Variants in ANKFN1 observed in about 807,000 individuals in gnomAD.
ANKFN1 encodes ankyrin repeat and fibronectin type III domain containing 1, also known as ankyrin repeat and fibronectin type-III domain-containing protein 1.
Under a neutral mutation model 108.7 loss-of-function variants are expected in ANKFN1, and 74 were observed. That is an observed-to-expected ratio of 0.68 (90% CI 0.56 to 0.83). ANKFN1 has a LOEUF of 0.83. ANKFN1 is among the 40% of genes least tolerant of loss of function. The pLI, the probability that ANKFN1 is intolerant of heterozygous loss-of-function variation, is 0.00. For synonymous variants in ANKFN1, 547 were observed against 516.2 expected, an observed-to-expected ratio of 1.06 and a Z score of -0.81; for missense variants, 1,505 against 1,382.3, an observed-to-expected ratio of 1.09 and a Z score of -1.41.
intron 1 of ANKFN1, among the ~76,000 whole-genome samples, chr17:56,166,278 A>G (rs1456560905): frequency 6.6e-6 from 1 of 152,176 alleles, no homozygotes; most frequent in Non-Finnish European, 1.5e-5. Context: ...TGTGAAATGA[A>G]TGAAGTGATT....
intron 4 of ANKFN1, among the ~76,000 whole-genome samples, chr17:56,060,801 T>C (rs1357915872): frequency 3.3e-5 from 5 of 152,072 alleles, no homozygotes; most frequent in African/African-American, 1.2e-4. Context: ...GTGGTGTATA[T>C]TTCTTTGATG....
intron 1 of ANKFN1, among the ~76,000 whole-genome samples, chr17:56,156,991 A>T (rs1404427693): frequency 6.6e-6 from 1 of 152,212 alleles, no homozygotes; most frequent in African/African-American, 2.4e-5. Flanking sequence ...TTCTCCCTTA[A>T]TTGGCATGGC....
intron 14 of ANKFN1, 111 bp from the exon 15 acceptor site, chr17:56,466,245 A>G (rs2050069202): frequency 2.1e-6 from 2 of 965,772 alleles, no homozygotes; most frequent in Admixed American, 2.4e-5. Flanking sequence ...AAAAAAAGAG[A>G]GCAAACAGCT....
intron 2 of ANKFN1, among the ~76,000 whole-genome samples, chr17:56,224,347 A>G (rs1022726451): frequency 6.6e-6 from 1 of 152,214 alleles, no homozygotes; most frequent in Non-Finnish European, 1.5e-5. Context: ...AGTAAAATTA[A>G]CATAAAATAG....
intron 18 of ANKFN1, among the ~76,000 whole-genome samples, chr17:56,489,423 T>C (rs1217014566): frequency 6.7e-6 from 1 of 150,102 alleles, no homozygotes; most frequent in Non-Finnish European, 1.5e-5. Context: ...GTAACATTTG[T>C]TAAAGTAACA....
intron 4 of ANKFN1, among the ~76,000 whole-genome samples, chr17:56,343,966 T>G (rs1386797728): frequency 6.6e-6 from 1 of 151,998 alleles, no homozygotes. Context: ...CAAGACATCA[T>G]TCTCAGAATT....
chr17:56,138,685 A>G (rs1340089454), intron 4 of ANKFN1, among the ~76,000 whole-genome samples: 1 of 151,488 alleles, frequency 6.6e-6, no homozygotes, highest in East Asian at 1.9e-4. Flanking sequence ...AATTTTTTAC[A>G]TTTTTGTTAG....
intron 14 of ANKFN1, among the ~76,000 whole-genome samples, chr17:56,460,078 A>T (rs977323923): frequency 3.9e-5 from 6 of 152,018 alleles, no homozygotes; most frequent in African/African-American, 1.4e-4. Context: ...ATCACAAAAA[A>T]GGGCTGACTG....
Position 56,516,257 on chromosome 17 carries a change from AGTGTGTGTGTGT to A in ANKFN1, c.*5002_*5013del, listed in dbSNP as rs71139913. ...GTTTGATGTTTGTGATTTTTAAAAA[AGTGTGTGTGTGT>A]GTGTGTGTGTGTGCGTGTGTGGTGG... is the stretch of plus-strand genomic sequence containing the variant. On this transcript the variant is annotated 3_prime_UTR_variant, in exon 21 of 21. Coordinates refer to ENST00000682825, the MANE Select transcript of ANKFN1 (RefSeq NM_001370326.1). Among the ~76,000 whole-genome samples the A allele has an allele frequency of 6.7e-6, 1 of 148,362 alleles. No homozygotes were observed. Among genetic ancestry groups the A allele is most frequent in the Non-Finnish European group, 1.5e-5 (1 of 66,756 alleles).
intron 2 of ANKFN1, among the ~76,000 whole-genome samples, chr17:56,216,783 G>A (rs573514317): frequency 4.6e-5 from 7 of 152,232 alleles, no homozygotes; most frequent in Admixed American, 2.6e-4. Context: ...TAATGATGCC[G>A]CTCTTTAGGT....
chr17:56,456,050 G>A (rs1187429808), intron 11 of ANKFN1, among the ~76,000 whole-genome samples: 1 of 152,116 alleles, frequency 6.6e-6, no homozygotes, highest in East Asian at 1.9e-4. Flanking sequence ...TATGGGTGGG[G>A]TTTTGCTCTT....
At chr17:56,317,873 A>G (rs2045253278) in intron 3 of ANKFN1, among the ~76,000 whole-genome samples, 1 of 152,180 alleles carries the variant, frequency 6.6e-6, no homozygotes, top group African/African-American at 2.4e-5. Context: ...ATATGCCTAA[A>G]TGGGTTCAAT....
intron 4 of ANKFN1, among the ~76,000 whole-genome samples, chr17:56,120,086 A>T (rs1281429755): frequency 1.3e-5 from 2 of 152,164 alleles, no homozygotes; most frequent in Non-Finnish European, 2.9e-5. Flanking sequence ...ATGATGCTTC[A>T]TTCTTCCATC....
intron 5 of ANKFN1, among the ~76,000 whole-genome samples, chr17:56,352,965 G>A (rs1324908637): frequency 6.6e-6 from 1 of 152,118 alleles, no homozygotes; most frequent in Non-Finnish European, 1.5e-5. Context: ...AGGGAGGGGT[G>A]AGTTTGAGGA....
chr17:56,050,836 T>C (rs1008193102), intron 4 of ANKFN1, among the ~76,000 whole-genome samples: 17 of 151,966 alleles, frequency 1.1e-4, no homozygotes, highest in African/African-American at 3.9e-4. Context: ...GATAAATTCC[T>C]CGACACATAC....
At chr17:56,443,623 T>C (rs1354281975) in intron 10 of ANKFN1, among the ~76,000 whole-genome samples, 1 of 152,236 alleles carries the variant, frequency 6.6e-6, no homozygotes, top group Non-Finnish European at 1.5e-5. Context: ...AAAAGCTTTC[T>C]TACTAACAGC....
intron 2 of ANKFN1, among the ~76,000 whole-genome samples, chr17:56,227,065 G>A (rs934812442): frequency 4.6e-5 from 7 of 152,060 alleles, no homozygotes; most frequent in Non-Finnish European, 1.0e-4. Context: ...TAGGTCTGAG[G>A]ACACCATGAT....
At chr17:56,167,274 CAT>C (rs72093414) in intron 1 of ANKFN1, among the ~76,000 whole-genome samples, 154 of 133,888 alleles carry the variant, frequency 1.2e-3, no homozygotes, top group Non-Finnish European at 1.7e-3. Context: ...TATATATATA[CAT>C]ATATATATAT....
intron 16 of ANKFN1, among the ~76,000 whole-genome samples, chr17:56,478,846 T>G (rs1371906586): frequency 6.6e-6 from 1 of 152,146 alleles, no homozygotes; most frequent in Admixed American, 6.5e-5. Flanking sequence ...CAAAGGAGAC[T>G]CTAATTTGGT....
Sources: allele counts gnomAD v4.1 joint callset (sites outside exome capture counted in the v4.1 genomes callset), GRCh38; gene constraint gnomAD v4.1.1; transcripts MANE v1.5; gene names NCBI Gene and HGNC (gene_info 2026-07-23, HGNC 2026-07-21).